Variants in RPS6KA2 observed in about 807,000 individuals in gnomAD.
RPS6KA2 encodes ribosomal protein S6 kinase alpha-2.
Under a neutral mutation model 91.8 loss-of-function variants are expected in RPS6KA2, and 42 were observed. The observed-to-expected ratio is 0.46, with a 90% CI of 0.36 to 0.59. The LOEUF (loss-of-function observed/expected upper bound fraction) is 0.59. Ranked by LOEUF, RPS6KA2 falls within the 20% of genes least tolerant of loss-of-function variation. The pLI is 0.00. For synonymous variants in RPS6KA2, 414 were observed against 393.6 expected (o/e 1.05, Z -0.61); for missense variants, 798 against 978.5 (o/e 0.82, Z 2.46).
chr6:166,631,198 G>A (rs1787064983), upstream of RPS6KA2, among the ~76,000 whole-genome samples: 1 of 152,186 alleles, frequency 6.6e-6, no homozygotes, highest in Non-Finnish European at 1.5e-5. Flanking sequence ...TCTTCAAAAT[G>A]ACAGAAATAA....
Position 166,694,387 on chromosome 6 carries a change from C to A in RPS6KA2, c.124-155603G>T, listed in dbSNP as rs530262191. 2.0e-5 allele frequency among the ~76,000 whole-genome samples: 3 copies of A among 152,340 alleles called. No homozygotes were observed. In the East Asian group the frequency reaches 5.8e-4, roughly 29 times the overall value. On this transcript the variant is annotated intron_variant, in intron 2 of 21. Coordinates refer to the RPS6KA2 transcript ENST00000503859. ...GACTCTGTAGTCTCTTTCTGTTCAC[C>A]CATCTCTCCATTCACGGTCTTCCAA...
At position 166,770,801 on chromosome 6, in the gene RPS6KA2, TAA is replaced by T; in HGVS notation, c.123+87397_123+87398del. 3.8e-6 allele frequency: 5 copies of T among 1,324,004 alleles called. No individual in the cohort carries two copies. Among genetic ancestry groups the T allele is most frequent in the Non-Finnish European group, 5.1e-6 (5 of 982,202 alleles). 82.0% of individuals were successfully genotyped at this position (1,324,004 alleles called of 1,614,324 possible). On this transcript the variant is annotated intron_variant, in intron 2 of 21. Coordinates refer to the RPS6KA2 transcript ENST00000503859. This position sits in a 1 kb window ranked among gnomAD's most constrained non-coding sequence, Gnocchi z 5.1. Reference sequence around the variant, plus strand: ...ATTGAAAAAGACTTCATGTTTAACTTAAAAAAAAAATGTAACTCACATAAGCA... The same window carrying T: ...ATTGAAAAAGACTTCATGTTTAACTTAAAAAAAATGTAACTCACATAAGCA...
chr6:166,660,161 C>A (rs1013925265), intron 2 of RPS6KA2, among the ~76,000 whole-genome samples: 1 of 152,162 alleles, frequency 6.6e-6, no homozygotes, highest in African/African-American at 2.4e-5. Flanking sequence ...CTTTCAATAG[C>A]TCATTGTTTC....
intron 1 of RPS6KA2, among the ~76,000 whole-genome samples, chr6:166,567,486 C>T (rs1784539169): frequency 6.6e-6 from 1 of 152,144 alleles, no homozygotes; most frequent in Admixed American, 6.5e-5. Context: ...GATTAATTTC[C>T]CAGGGATCTA....
At chr6:166,422,633 C>T (rs1778763561) in intron 17 of RPS6KA2, among the ~76,000 whole-genome samples, 1 of 152,196 alleles carries the variant, frequency 6.6e-6, no homozygotes, top group Non-Finnish European at 1.5e-5. Flanking sequence ...AATTCAGAAC[C>T]TAATGGAACT....
At chr6:166,449,897 A>AGGACCACCATGGGAACCACCACGC (rs1348325808) in intron 13 of RPS6KA2, among the ~76,000 whole-genome samples, 4 of 148,204 alleles carry the variant, frequency 2.7e-5, no homozygotes, top group African/African-American at 1.0e-4. Context: ...GACAACCACG[A>AGGACCACCATGGGAACCACCACGC]GGACCACCAT....
At chr6:166,413,174 C>A (rs78302444) in intron 20 of RPS6KA2, among the ~76,000 whole-genome samples, 2,596 of 152,208 alleles carry the variant, frequency 0.017, 24 homozygotes, top group South Asian at 0.029. Flanking sequence ...TGTGGAGCCC[C>A]CAGGCTGAGG....
chr6:166,412,598 A>G lies in RPS6KA2; in HGVS notation c.*164T>C, dbSNP rs996572793. The G allele has an allele frequency of 3.0e-6, 2 of 670,588 alleles. No homozygotes were observed. Among genetic ancestry groups the G allele is most frequent in the Admixed American group, 6.3e-5 (2 of 31,968 alleles). The allele number at this position is 670,588 out of a possible 1,614,324, so 41.5% of individuals were successfully genotyped here. On this transcript the variant is annotated 3_prime_UTR_variant, in exon 21 of 21. Coordinates refer to ENST00000265678, the MANE Select transcript of RPS6KA2 (RefSeq NM_021135.6). The surrounding 1 kb of genome is among the most constrained non-coding windows in gnomAD (Gnocchi z 4.3). Reference sequence around the variant, plus strand: ...TGAGGCTTGGAGAAGCCCCCAGGTCAGGACCCTCTCCGGGGCTGAAAAAGA... The same window carrying G: ...TGAGGCTTGGAGAAGCCCCCAGGTCGGGACCCTCTCCGGGGCTGAAAAAGA...
chr6:166,423,314 C>A lies in RPS6KA2; in HGVS notation c.1685G>T (p.Arg562Leu). ...VCDFGFAKQL[R>L]AGNGLLMTPC... Reference sequence around the variant, plus strand: ...TGTCATGAGCAGCCCGTTCCCCGCGCGCAGCTGCTTGGCAAAGCCGAAGTC... The same window carrying A: ...TGTCATGAGCAGCCCGTTCCCCGCGAGCAGCTGCTTGGCAAAGCCGAAGTC... The change falls in exon 17 of 21, where the codon CGC becomes CTC. Residue 562 changes from arginine (R) to leucine (L), a missense_variant. Physicochemically the swap from Arg to Leu is moderately radical, Grantham distance 102. Transcript: ENST00000265678. The surrounding 1 kb of genome is among the most constrained non-coding windows in gnomAD (Gnocchi z 4.8). 6.2e-7 allele frequency: 1 copy of A among 1,614,074 alleles called. No individual in the cohort carries two copies. The highest frequency in any genetic ancestry group is 8.5e-7 in the Non-Finnish European group (1 of 1,179,984).
At chr6:166,455,665 G>C (rs1342146224) in intron 12 of RPS6KA2, among the ~76,000 whole-genome samples, 1 of 152,224 alleles carries the variant, frequency 6.6e-6, no homozygotes, top group African/African-American at 2.4e-5. Flanking sequence ...ACCCGGCAGA[G>C]AAGCTCGGGG....
At chr6:166,729,279 C>G (rs1227621006) in intron 2 of RPS6KA2, among the ~76,000 whole-genome samples, 1 of 152,234 alleles carries the variant, frequency 6.6e-6, no homozygotes, top group Non-Finnish European at 1.5e-5. Context: ...ACGCACACTG[C>G]CTCAGGCAAA....
At chr6:166,827,862 C>A (rs1047645233) in intron 2 of RPS6KA2, among the ~76,000 whole-genome samples, 1 of 152,198 alleles carries the variant, frequency 6.6e-6, no homozygotes, top group African/African-American at 2.4e-5. Flanking sequence ...TTATGCTCTG[C>A]CTTCATTGTT....
Position 166,627,174 on chromosome 6 carries a change from A to C in RPS6KA2, c.-155T>G. ...GGCGTGGGGCGCGAGCTGCGGTCAC[A>C]AAGGGCAGGCCGCGCCGGCCACCGC... On this transcript the variant is annotated 5_prime_UTR_variant, in exon 1 of 21. Transcript: ENST00000265678. The C allele has an allele frequency of 4.6e-6, 5 of 1,081,732 alleles. No individual in the cohort carries two copies. The highest frequency in any genetic ancestry group is 5.6e-6 in the Non-Finnish European group (5 of 893,558). The allele number at this position is 1,081,732 out of a possible 1,614,324, so 67.0% of individuals were successfully genotyped here.
chr6:166,510,210 CA>C, intron 4 of RPS6KA2, 66 bp downstream of exon 4: 1 of 987,386 alleles, frequency 1.0e-6, no homozygotes. Context: ...ATTTCTTTTT[CA>C]ATTTTCTTTG....
chr6:166,834,767 G>C (rs1222845042), intron 2 of RPS6KA2, among the ~76,000 whole-genome samples: 1 of 152,100 alleles, frequency 6.6e-6, no homozygotes, highest in African/African-American at 2.4e-5. Flanking sequence ...ACTCTGGCCA[G>C]TATTTGGATT....
At chr6:166,848,450 G>A (rs369568914) in intron 2 of RPS6KA2, among the ~76,000 whole-genome samples, 11 of 152,084 alleles carry the variant, frequency 7.2e-5, no homozygotes, top group South Asian at 2.1e-4. Flanking sequence ...AAAAATACCC[G>A]CACATGCATG....
intron 2 of RPS6KA2, among the ~76,000 whole-genome samples, chr6:166,695,672 C>T (rs1319747198): frequency 7.9e-5 from 11 of 139,436 alleles, no homozygotes; most frequent in African/African-American, 2.6e-4. Context: ...ACTAGATTCT[C>T]CTAGGAGCAC....
intron 2 of RPS6KA2, among the ~76,000 whole-genome samples, chr6:166,753,141 A>C (rs564620627): frequency 5.9e-5 from 9 of 152,296 alleles, no homozygotes; most frequent in Admixed American, 4.6e-4. Context: ...GTCCTGCCAG[A>C]CTTAAGCCAG....
chr6:166,527,340 T>C (rs1219614256), intron 3 of RPS6KA2, among the ~76,000 whole-genome samples: 1 of 152,144 alleles, frequency 6.6e-6, no homozygotes, highest in Non-Finnish European at 1.5e-5. Flanking sequence ...CCTGGTGCCC[T>C]GGAGAGGTGA....
Sources: allele counts gnomAD v4.1 joint callset (sites outside exome capture counted in the v4.1 genomes callset), GRCh38; gene constraint gnomAD v4.1.1; non-coding constraint Gnocchi (gnomAD v3.1); transcripts MANE v1.5; gene names NCBI Gene and HGNC (gene_info 2026-07-23, HGNC 2026-07-21).